The following CCDC3 variants were observed in gnomAD, a reference collection of about 807,000 sequenced individuals.
CCDC3 encodes coiled-coil domain containing 3.
A neutral mutation model predicts 21.4 loss-of-function variants in CCDC3; 24 were observed. The observed-to-expected ratio is 1.12, with a 90% CI of 0.81 to 1.58. CCDC3 has a LOEUF of 1.58. Among genes scored for constraint, CCDC3 ranks in the 40% most tolerant of loss-of-function variants. The pLI is 0.00. For synonymous variants in CCDC3, 186 were observed against 166.0 expected (o/e 1.12, Z -0.93); for missense variants, 425 against 360.9 (o/e 1.18, Z -1.44).
In CCDC3 at chr10:12,946,431, G is replaced by T. The variant is rs550580790; in HGVS notation, c.550-47752C>A. ...AAACTGAAAACTAACTAACTTAGGA[G>T]TATTTTTTTTTGGTAACAAATAGCC... On this transcript the variant is annotated intron_variant, in intron 2 of 2. Coordinates refer to ENST00000378825, the MANE Select transcript of CCDC3 (RefSeq NM_031455.4). Among the ~76,000 whole-genome samples the T allele has an allele frequency of 1.1e-4, 17 of 152,186 alleles. 1 individual carries two copies. In the South Asian group the frequency reaches 3.5e-3, roughly 32 times the overall value.
intron 4 of CCDC3, among the ~76,000 whole-genome samples, chr10:13,052,716 G>C (rs1836623878): frequency 6.6e-6 from 1 of 152,088 alleles, no homozygotes; most frequent in Non-Finnish European, 1.5e-5. Flanking sequence ...GAGGCAGGCG[G>C]ATCACTTGAA....
intron 2 of CCDC3, among the ~76,000 whole-genome samples, chr10:12,920,978 C>T (rs577147419): frequency 1.3e-5 from 2 of 152,336 alleles, no homozygotes; most frequent in East Asian, 3.9e-4. Context: ...GCAGCCTTGG[C>T]TTCCCCTAAC....
intron 2 of CCDC3, among the ~76,000 whole-genome samples, chr10:12,938,368 T>C (rs1834772270): frequency 6.6e-6 from 1 of 152,214 alleles, no homozygotes; most frequent in Non-Finnish European, 1.5e-5. Flanking sequence ...ACATGGATAA[T>C]GCATCCAGCA....
At chr10:12,949,550 C>A (rs943859999) in intron 2 of CCDC3, among the ~76,000 whole-genome samples, 1 of 152,174 alleles carries the variant, frequency 6.6e-6, no homozygotes, top group Admixed American at 6.5e-5. Context: ...TCTACCTGAG[C>A]CAGTATTACT....
intron 3 of CCDC3, among the ~76,000 whole-genome samples, chr10:13,089,562 C>T (rs577413663): frequency 2.0e-5 from 3 of 152,208 alleles, no homozygotes; most frequent in South Asian, 4.2e-4. Flanking sequence ...CTCCTAGTTT[C>T]GCTTTCTCTT....
intron 5 of CCDC3, among the ~76,000 whole-genome samples, chr10:13,033,187 C>T (rs1836328686): frequency 6.6e-6 from 1 of 152,024 alleles, no homozygotes. Flanking sequence ...AATAATACCA[C>T]ACATCTACAA....
intron 2 of CCDC3, among the ~76,000 whole-genome samples, chr10:12,954,531 C>T (rs1305754601): frequency 1.3e-5 from 2 of 152,094 alleles, no homozygotes; most frequent in African/African-American, 2.4e-5. Context: ...CTGGTAGGGG[C>T]TCAGGAAGCT....
chr10:13,010,420 A>G (rs1835970822), intron 5 of CCDC3, among the ~76,000 whole-genome samples: 1 of 152,224 alleles, frequency 6.6e-6, no homozygotes, highest in South Asian at 2.1e-4. Context: ...CCATTATGAG[A>G]TACTCCTACA....
At chr10:12,995,413 T>C (rs1835746775) in intron 2 of CCDC3, among the ~76,000 whole-genome samples, 2 of 152,142 alleles carry the variant, frequency 1.3e-5, no homozygotes, top group Non-Finnish European at 2.9e-5. Flanking sequence ...AGCTAATTTT[T>C]GTATTTTTAG....
intron 2 of CCDC3, among the ~76,000 whole-genome samples, chr10:12,972,069 G>A (rs980352354): frequency 1.3e-5 from 2 of 152,028 alleles, no homozygotes; most frequent in Admixed American, 6.6e-5. Flanking sequence ...CCTGTGCTGG[G>A]AGCCTGGACT....
At chr10:12,921,108 C>CA (rs1019847419) in intron 2 of CCDC3, among the ~76,000 whole-genome samples, 73 of 152,142 alleles carry the variant, frequency 4.8e-4, no homozygotes, top group African/African-American at 1.7e-3. Context: ...TTTTAGTTAC[C>CA]AAAAAAATAA....
intron 1 of CCDC3, among the ~76,000 whole-genome samples, chr10:13,000,540 G>C (rs1280023383): frequency 6.6e-6 from 1 of 152,172 alleles, no homozygotes; most frequent in Non-Finnish European, 1.5e-5. Context: ...CCAAGCCCTA[G>C]TAAACCTTTG....
intron 4 of CCDC3, among the ~76,000 whole-genome samples, chr10:13,065,374 T>C (rs1269737229): frequency 6.6e-6 from 1 of 152,156 alleles, no homozygotes; most frequent in African/African-American, 2.4e-5. Flanking sequence ...ATTGATCAAC[T>C]TATTAGCATA....
At chr10:13,024,408 C>T (rs1836189565) in intron 5 of CCDC3, among the ~76,000 whole-genome samples, 1 of 152,140 alleles carries the variant, frequency 6.6e-6, no homozygotes. Flanking sequence ...CGGGAAAATA[C>T]TTTTAAGATT....
chr10:13,001,476 C>A lies in CCDC3; in HGVS notation c.95G>T (p.Ser32Ile). Reference sequence around the variant, plus strand: ...GGCCAGCTCGGCGCGGCAGCCCTCGCTCAGGGGCCTCCACTCGGAGGGCAG... The same window carrying A: ...GGCCAGCTCGGCGCGGCAGCCCTCGATCAGGGGCCTCCACTCGGAGGGCAG... ...CQLPSEWRPL[S>I]EGCRAELAET... Residue 32 changes from serine to isoleucine, a missense_variant, in exon 1 of 3, where the codon AGC becomes ATC. Transcript: ENST00000378825. The A allele has an allele frequency of 7.2e-7, 1 of 1,396,240 alleles. No individual in the cohort carries two copies. Among genetic ancestry groups the A allele is most frequent in the Non-Finnish European group, 9.3e-7 (1 of 1,077,372 alleles). 86.5% of individuals were successfully genotyped at this position (1,396,240 alleles called of 1,614,324 possible). A position where few individuals can be genotyped will look rare whatever the true frequency, so the allele number is the denominator to read the frequency against.
intron 2 of CCDC3, among the ~76,000 whole-genome samples, chr10:12,952,746 C>T (rs1359476205): frequency 2.0e-5 from 3 of 152,186 alleles, no homozygotes; most frequent in African/African-American, 7.2e-5. Context: ...TATCACCATC[C>T]TCCTTCAAGC....
At chr10:12,918,466 C>T (rs1377979894) in intron 2 of CCDC3, among the ~76,000 whole-genome samples, 1 of 152,200 alleles carries the variant, frequency 6.6e-6, no homozygotes, top group Non-Finnish European at 1.5e-5. Flanking sequence ...TCCTTAAAGA[C>T]ACTTGATTCC....
At chr10:12,978,211 G>T (rs1835444854) in intron 2 of CCDC3, among the ~76,000 whole-genome samples, 1 of 151,884 alleles carries the variant, frequency 6.6e-6, no homozygotes, top group Non-Finnish European at 1.5e-5. Flanking sequence ...TAGAGAGGGG[G>T]TTTCACCATG....
chr10:12,903,280 A>C (rs1834121500), intron 2 of CCDC3, among the ~76,000 whole-genome samples: 1 of 152,212 alleles, frequency 6.6e-6, no homozygotes. Context: ...CCCAGCTATC[A>C]CCTCAAAAGA....
Sources: allele counts gnomAD v4.1 joint callset (sites outside exome capture counted in the v4.1 genomes callset), GRCh38; gene constraint gnomAD v4.1.1; transcripts MANE v1.5; gene names NCBI Gene and HGNC (gene_info 2026-07-23, HGNC 2026-07-21).